Variants in GADL1 observed in about 807,000 individuals in gnomAD.
GADL1 encodes GAD like acidic amino acid decarboxylase 1.
GADL1 carries 71 observed loss-of-function variants against 69.5 expected under a neutral mutation model. The ratio of observed to expected loss-of-function variants is 1.02; its 90% confidence interval spans 0.84 to 1.25. The LOEUF (loss-of-function observed/expected upper bound fraction) is 1.25. Ranked by LOEUF, GADL1 falls within the 50% of genes most tolerant of loss-of-function variation. The pLI, the probability that GADL1 is intolerant of heterozygous loss-of-function variation, is 0.00. For synonymous variants in GADL1, 254 were observed against 214.4 expected, an observed-to-expected ratio of 1.18 and a Z score of -1.62; for missense variants, 737 against 631.8, an observed-to-expected ratio of 1.17 and a Z score of -1.79.
chr3:30,759,491 T>G (rs901607628), intron 14 of GADL1, among the ~76,000 whole-genome samples: 2 of 152,170 alleles, frequency 1.3e-5, no homozygotes, highest in African/African-American at 4.8e-5. Context: ...TTTTCACCTT[T>G]GATATTTCCC....
rs184907983 is a variant in GADL1, at chr3:30,820,728, T to G, written c.1050+13125A>C. Among the ~76,000 whole-genome samples, 1,364 of 152,218 alleles carry G rather than the reference T, an allele frequency of 9.0e-3. 19 individuals carry two copies. The highest frequency in any genetic ancestry group is 0.031 in the African/African-American group (1,277 of 41,542). Reference sequence around the variant, plus strand: ...AACACTTTTACACTGTTGGTGGGACTGTAAACTAGTTCAACCATTGTGGAA... The same window carrying G: ...AACACTTTTACACTGTTGGTGGGACGGTAAACTAGTTCAACCATTGTGGAA... On this transcript the variant is annotated intron_variant, in intron 11 of 14. Coordinates refer to ENST00000282538, the MANE Select transcript of GADL1 (RefSeq NM_207359.3).
intron 14 of GADL1, among the ~76,000 whole-genome samples, chr3:30,773,470 C>A (rs908680728): frequency 6.6e-6 from 1 of 152,066 alleles, no homozygotes; most frequent in Non-Finnish European, 1.5e-5. Flanking sequence ...TAAAAGAAAT[C>A]GCCTGCAACT....
At chr3:30,856,065 C>T (rs897097598) in intron 3 of GADL1, among the ~76,000 whole-genome samples, 1 of 151,930 alleles carries the variant, frequency 6.6e-6, no homozygotes, top group Middle Eastern at 3.2e-3. Flanking sequence ...AAATGTCATT[C>T]TGCACTTTTG....
At chr3:30,850,720 G>C (rs1698133996) in intron 5 of GADL1, 115 bp downstream of exon 5, 1 of 640,340 alleles carries the variant, frequency 1.6e-6, no homozygotes, top group Non-Finnish European at 2.8e-6. Context: ...TCAGCAAGTA[G>C]AATTATTAAT....
chr3:30,844,862 CTGT>C (rs1359388962), intron 6 of GADL1, among the ~76,000 whole-genome samples: 2 of 152,156 alleles, frequency 1.3e-5, no homozygotes, highest in African/African-American at 4.8e-5. Flanking sequence ...ACACCGGAGG[CTGT>C]TGTTTTCCAT....
At chr3:30,824,478 A>G (rs967642616) in intron 11 of GADL1, among the ~76,000 whole-genome samples, 1 of 150,266 alleles carries the variant, frequency 6.7e-6, no homozygotes, top group African/African-American at 2.5e-5. Flanking sequence ...CTTAGAGATA[A>G]GAAGTAAAGA....
chr3:30,840,598 C>CT (rs1266805710), intron 8 of GADL1, among the ~76,000 whole-genome samples: 1 of 152,180 alleles, frequency 6.6e-6, no homozygotes, highest in African/African-American at 2.4e-5. Context: ...AAATAATTTA[C>CT]TAAAACCATT....
At chr3:30,805,623 A>C (rs1697236448) in intron 11 of GADL1, among the ~76,000 whole-genome samples, 1 of 151,844 alleles carries the variant, frequency 6.6e-6, no homozygotes, top group Non-Finnish European at 1.5e-5. Context: ...GACCAAGATT[A>C]GCCAAGCCAT....
In GADL1 at chr3:30,767,917, GAAAAAAA is replaced by G. The variant is rs1438525179; in HGVS notation, c.1392+10255_1392+10261del. Among the ~76,000 whole-genome samples, 56 of 151,674 alleles carry G rather than the reference GAAAAAAA, an allele frequency of 3.7e-4. 1 individual carries two copies. Among genetic ancestry groups the G allele is most frequent in the Admixed American group, 7.9e-4 (12 of 15,218 alleles). On this transcript the variant is annotated intron_variant, in intron 14 of 14. Transcript: ENST00000282538. ...CTCAAAATATAAATACTTAAAATAT[GAAAAAAA>G]TGAATACACTGACAATCAGTAAAGA...
intron 14 of GADL1, among the ~76,000 whole-genome samples, chr3:30,751,864 G>A (rs1250333283): frequency 2.0e-5 from 3 of 152,170 alleles, no homozygotes; most frequent in East Asian, 1.9e-4. Context: ...TTAAATGGCA[G>A]GGCTAAATCT....
intron 12 of GADL1, among the ~76,000 whole-genome samples, chr3:30,791,835 A>T (rs2125502316): frequency 6.6e-6 from 1 of 152,186 alleles, no homozygotes; most frequent in East Asian, 1.9e-4. Context: ...TGCTGTTTTC[A>T]TGACAGTGAA....
intron 1 of GADL1, among the ~76,000 whole-genome samples, chr3:30,864,805 C>A (rs892638108): frequency 6.6e-6 from 1 of 151,998 alleles, no homozygotes; most frequent in Non-Finnish European, 1.5e-5. Flanking sequence ...GACTGCTTTT[C>A]ATCACCCCCA....
chr3:30,855,142 AT>A (rs1394980573), intron 3 of GADL1, among the ~76,000 whole-genome samples: 1 of 152,082 alleles, frequency 6.6e-6, no homozygotes, highest in Non-Finnish European at 1.5e-5. Flanking sequence ...CTGAATATAA[AT>A]TATACCTCAT....
intron 14 of GADL1, among the ~76,000 whole-genome samples, chr3:30,746,291 C>A (rs1372884330): frequency 6.6e-6 from 1 of 152,158 alleles, no homozygotes; most frequent in Non-Finnish European, 1.5e-5. Flanking sequence ...CTGCACCCAG[C>A]CTCCATTTCT....
intron 11 of GADL1, among the ~76,000 whole-genome samples, chr3:30,814,452 CTTTCAGGTTTGCAAGCCATATGATCT>C (rs1697421661): frequency 1.3e-5 from 2 of 152,138 alleles, no homozygotes; most frequent in Non-Finnish European, 2.9e-5. Flanking sequence ...GTAGTAAATA[CTTTCAGGTTTGCAAGCCATATGATCT>C]CTATCACAAC....
At chr3:30,745,717 T>C (rs1289807110) in intron 14 of GADL1, among the ~76,000 whole-genome samples, 2 of 151,896 alleles carry the variant, frequency 1.3e-5, no homozygotes, top group African/African-American at 4.8e-5. Flanking sequence ...TCATCTTTGG[T>C]GCATGGGCCA....
chr3:30,834,230 G>A lies in GADL1; in HGVS notation c.955C>T (p.His319Tyr). ...LMSRKHRKLL[H>Y]GIHRADSVAW... ...AACTACATTTACCTGTGGATGCCAT[G>A]CAGAAGCTTGCGGTGCTTCCTCGAC... Residue 319 changes from histidine to tyrosine, a missense_variant, in exon 10 of 15, where the codon CAT (histidine) becomes TAT (tyrosine). His to Tyr is a moderately conservative substitution (Grantham distance 83). Transcript: ENST00000282538. 1 of 1,612,750 alleles carries A rather than the reference G, an allele frequency of 6.2e-7. No individual in the cohort carries two copies. The highest frequency in any genetic ancestry group is 8.5e-7 in the Non-Finnish European group (1 of 1,179,092).
At chr3:30,854,818 A>G (rs747114133) in intron 3 of GADL1, 29 bp from the exon 4 acceptor site, 1 of 1,193,268 alleles carries the variant, frequency 8.4e-7, no homozygotes, top group South Asian at 1.4e-5. Flanking sequence ...GTATTCATCT[A>G]TGCAGCAATA....
chr3:30,766,642 C>G (rs970685595), intron 14 of GADL1, among the ~76,000 whole-genome samples: 1 of 152,136 alleles, frequency 6.6e-6, no homozygotes, highest in African/African-American at 2.4e-5. Flanking sequence ...CCAGAACTTT[C>G]ATCCAGGTTT....
Sources: gnomAD v4.1 joint callset for allele counts (sites outside exome capture counted in the v4.1 genomes callset) on GRCh38, gnomAD v4.1.1 for gene constraint, MANE v1.5 for transcripts, NCBI Gene and HGNC (gene_info 2026-07-23, HGNC 2026-07-21) for gene names.